The following DDX1 variants were observed in gnomAD, a reference collection of about 807,000 sequenced individuals.
DDX1 encodes the protein DEAD-box helicase 1.
DDX1 carries 28 observed loss-of-function variants against 108.7 expected under a neutral mutation model. The ratio of observed to expected loss-of-function variants is 0.26; its 90% CI spans 0.19 to 0.35. The LOEUF (loss-of-function observed/expected upper bound fraction) is 0.35. Among genes scored for constraint, DDX1 ranks in the 10% least tolerant of loss-of-function variants. The pLI, the probability that DDX1 is intolerant of heterozygous loss-of-function variation, is 1.00. For missense variants in DDX1, 710 were observed against 884.5 expected (o/e 0.80, Z 2.50); for synonymous variants, 295 against 288.9 (o/e 1.02, Z -0.21).
chr2:15,605,468 G>A (rs1362599129), intron 10 of DDX1, among the ~76,000 whole-genome samples: 4 of 152,146 alleles, frequency 2.6e-5, no homozygotes, highest in African/African-American at 4.8e-5. Flanking sequence ...TGCATTAACT[G>A]CTGCATTTGA....
chr2:15,604,623 A>T, intron 10 of DDX1, 114 bp downstream of exon 10: 1 of 692,158 alleles, frequency 1.4e-6, no homozygotes, highest in South Asian at 1.7e-5. Context: ...CCCTGCCTTT[A>T]CTTGAACTAA....
At position 15,620,210 on chromosome 2, in the gene DDX1, G is replaced by A; in HGVS notation, c.1209G>A (p.Val403=). ...AATTTGGGGTTTCCTCTTCTTAGGT[G>A]ATTGTTTGCTCTGCCACTTTGCATT... is the stretch of plus-strand genomic sequence containing the variant. ...QVTSDGKRLQ[V]IVCSATLHSF... The change falls in exon 17 of 26, where the codon GTG becomes GTA. Residue 403 remains valine, a splice_region_variant and synonymous_variant. Coordinates refer to ENST00000233084, the MANE Select transcript of DDX1 (RefSeq NM_004939.3). The A allele has an allele frequency of 6.2e-7, 1 of 1,612,950 alleles. No homozygotes were observed. Among genetic ancestry groups the A allele is most frequent in the Non-Finnish European group, 8.5e-7 (1 of 1,179,684 alleles).
At chr2:15,594,780 A>G (rs970057792) in intron 1 of DDX1, among the ~76,000 whole-genome samples, 1 of 152,252 alleles carries the variant, frequency 6.6e-6, no homozygotes. Context: ...TTCACGAGTC[A>G]TGAGAGGTAA....
At position 15,598,699 on chromosome 2, in the gene DDX1, G is replaced by C. The variant is rs140252149; in HGVS notation, c.260-970G>C. ...CTACAATGTTCAAAGTGTTTAAGCTGATGATGGATATCTTTTGACCAGAAA... is the reference window on the plus strand; with the variant it reads ...CTACAATGTTCAAAGTGTTTAAGCTCATGATGGATATCTTTTGACCAGAAA... On this transcript the variant is annotated intron_variant, in intron 5 of 25. Coordinates refer to ENST00000233084, the MANE Select transcript of DDX1 (RefSeq NM_004939.3). Among the ~76,000 whole-genome samples, 158 of 152,288 alleles carry C rather than the reference G, an allele frequency of 1.0e-3. 1 individual carries two copies. The highest frequency in any genetic ancestry group is 3.7e-3 in the African/African-American group (152 of 41,566).
chr2:15,600,610 A>G (rs1308122607), intron 6 of DDX1, among the ~76,000 whole-genome samples: 4 of 152,174 alleles, frequency 2.6e-5, no homozygotes, highest in Non-Finnish European at 5.9e-5. Context: ...CTGGTGACCA[A>G]AGCTCAGATG....
chr2:15,619,541 G>C (rs1665956370), intron 16 of DDX1, among the ~76,000 whole-genome samples: 1 of 152,214 alleles, frequency 6.6e-6, no homozygotes, highest in Non-Finnish European at 1.5e-5. Flanking sequence ...CTGACGGCCT[G>C]TTGCTGCCAT....
At chr2:15,604,374 A>G (rs1400304799) in intron 9 of DDX1, 63 bp from the exon 10 acceptor site, 2 of 1,051,084 alleles carry the variant, frequency 1.9e-6, no homozygotes, top group East Asian at 2.4e-5. Flanking sequence ...TGATGCAGCT[A>G]TATTTTAACT....
chr2:15,606,722 A>G (rs566552655), intron 12 of DDX1, among the ~76,000 whole-genome samples: 2 of 152,360 alleles, frequency 1.3e-5, no homozygotes, highest in African/African-American at 4.8e-5. Flanking sequence ...TATCCATTGT[A>G]TATCTAATAT....
chr2:15,592,070 G>T lies in DDX1; in HGVS notation c.16+121G>T, dbSNP rs1665422346. 8.6e-6 allele frequency: 8 copies of T among 926,900 alleles called. No individual in the cohort carries two copies. In the South Asian group the frequency reaches 2.1e-4, roughly 24 times the overall value. The allele number at this position is 926,900 out of a possible 1,614,324, so 57.4% of individuals were successfully genotyped here. A position where few individuals can be genotyped will look rare whatever the true frequency, so the allele number is the denominator to read the frequency against. On this transcript the variant is annotated intron_variant, in intron 1 of 25. Coordinates refer to ENST00000233084, the MANE Select transcript of DDX1 (RefSeq NM_004939.3). ...GGGGTCAGGGAGACAGAAGGGCGCT[G>T]TCCGCTGCAGTCCCTGATGGACCCG...
intron 6 of DDX1, 66 bp from the exon 7 acceptor site, chr2:15,602,482 G>A (rs1665602697): frequency 1.8e-6 from 2 of 1,120,368 alleles, no homozygotes; most frequent in South Asian, 2.5e-5. Flanking sequence ...GGTGGTAGGG[G>A]GTGGGAATGT....
intron 10 of DDX1, 144 bp downstream of exon 10, chr2:15,604,653 A>T (rs189186067): frequency 8.0e-6 from 5 of 628,646 alleles, no homozygotes; most frequent in Non-Finnish European, 1.4e-5. Context: ...AGCATTGACT[A>T]TGTGTAAGGT....
intron 13 of DDX1, among the ~76,000 whole-genome samples, chr2:15,612,101 C>T (rs1239621804): frequency 6.9e-6 from 1 of 144,662 alleles, no homozygotes. Flanking sequence ...GACCCCCCCA[C>T]CTCCCTCCCG....
At chr2:15,621,486 A>G (rs762126935) in intron 18 of DDX1, 35 of 194,420 alleles carry the variant, frequency 1.8e-4, no homozygotes, top group Non-Finnish European at 2.6e-4. Flanking sequence ...TTATATTTTT[A>G]GTAGAGATGG....
intron 20 of DDX1, chr2:15,627,544 G>A (rs1416369715): frequency 6.1e-6 from 1 of 163,388 alleles, no homozygotes; most frequent in Non-Finnish European, 1.3e-5. Context: ...TAGAATTAAA[G>A]GTATTTTGAT....
rs752934252 is a variant in DDX1 at position 15,603,910 on chromosome 2, C to T, written c.552+20C>T. 3 of 1,506,564 alleles carry T rather than the reference C, an allele frequency of 2.0e-6. No individual in the cohort carries two copies. The highest frequency in any genetic ancestry group is 2.8e-6 in the Non-Finnish European group (3 of 1,089,642). The allele number at this position is 1,506,564 out of a possible 1,614,324, so 93.3% of individuals were successfully genotyped here. ...GGAGAGGTAAGCGATTATGTTATGA[C>T]TTCAACATAGCATAAGTAAGTTTTC... On this transcript the variant is annotated intron_variant, in intron 9 of 25. Transcript: ENST00000233084.
chr2:15,617,383 A>G (rs1229475453), intron 15 of DDX1, 41 bp downstream of exon 15: 2 of 1,223,376 alleles, frequency 1.6e-6, no homozygotes, highest in Non-Finnish European at 2.3e-6. Context: ...AAGTTTACTT[A>G]TATTTTTTGA....
chr2:15,598,629 T>C (rs1558450927), intron 5 of DDX1, among the ~76,000 whole-genome samples: 2 of 152,324 alleles, frequency 1.3e-5, no homozygotes, highest in East Asian at 3.9e-4. Context: ...TACTTCCTAA[T>C]AGCTACATTG....
chr2:15,628,384 T>C, intron 20 of DDX1, 61 bp from the exon 21 acceptor site: 1 of 1,259,028 alleles, frequency 7.9e-7, no homozygotes, highest in Non-Finnish European at 1.2e-6. Context: ...GGATAGCATT[T>C]GTTTTTATTG....
chr2:15,621,083 A>G lies in DDX1; in HGVS notation c.1414A>G (p.Lys472Glu), dbSNP rs752942556. ...TTGATAGACTGATGATGTACATGCA[A>G]AAGATAACACAAGACCTGGTGCTAA... ...SHIRTDDVHA[K>E]DNTRPGANSP... Residue 472 changes from lysine (K) to glutamate (E), a missense_variant, in exon 18 of 26, where the codon AAA becomes GAA. Coordinates refer to ENST00000233084, the MANE Select transcript of DDX1 (RefSeq NM_004939.3). 6.2e-7 allele frequency: 1 copy of G among 1,610,626 alleles called. No homozygotes were observed. The highest frequency in any genetic ancestry group is 1.1e-5 in the South Asian group (1 of 90,686).
Sources: gnomAD v4.1 joint callset for allele counts (sites outside exome capture counted in the v4.1 genomes callset) on GRCh38, gnomAD v4.1.1 for gene constraint, MANE v1.5 for transcripts, NCBI Gene and HGNC (gene_info 2026-07-23, HGNC 2026-07-21) for gene names.